HPCAL1: variants seen among roughly 807,000 people sequenced by gnomAD.
HPCAL1 encodes hippocalcin-like protein 1.
A neutral mutation model predicts 17.1 loss-of-function variants in HPCAL1; 8 were observed. The observed-to-expected ratio is 0.47, with a 90% CI of 0.27 to 0.84. The LOEUF is 0.84. Ranked by LOEUF, HPCAL1 falls within the 40% of genes least tolerant of loss-of-function variation. The pLI is 0.13. For synonymous variants in HPCAL1, 112 were observed against 111.4 expected, an observed-to-expected ratio of 1.01 and a Z score of -0.03; for missense variants, 165 against 271.1, an observed-to-expected ratio of 0.61 and a Z score of 2.75.
chr2:10,385,606 A>G (rs553570848), intron 1 of HPCAL1, among the ~76,000 whole-genome samples: 2 of 152,146 alleles, frequency 1.3e-5, no homozygotes, highest in African/African-American at 2.4e-5. Context: ...AGCTGTCTGC[A>G]TGGACGATGG....
At chr2:10,320,159 C>G (rs1191029546) in intron 1 of HPCAL1, among the ~76,000 whole-genome samples, 1 of 152,150 alleles carries the variant, frequency 6.6e-6, no homozygotes, top group African/African-American at 2.4e-5. Flanking sequence ...CTCCTGTGGC[C>G]TGGCTGTCTG....
chr2:10,392,261 G>A (rs1332170280), intron 1 of HPCAL1, among the ~76,000 whole-genome samples: 1 of 150,978 alleles, frequency 6.6e-6, no homozygotes, highest in Admixed American at 6.6e-5. Flanking sequence ...GGCTGGTCTC[G>A]CAGTGCTGGG....
At chr2:10,415,978 G>C (rs566429427) in intron 2 of HPCAL1, among the ~76,000 whole-genome samples, 2 of 152,310 alleles carry the variant, frequency 1.3e-5, no homozygotes, top group East Asian at 3.9e-4. Flanking sequence ...GAGCCACCAC[G>C]GGTGCTGCAG....
intron 1 of HPCAL1, among the ~76,000 whole-genome samples, chr2:10,346,307 T>TG (rs1263943604): frequency 6.6e-6 from 1 of 151,950 alleles, no homozygotes; most frequent in Admixed American, 6.5e-5. Context: ...GGGGATATGG[T>TG]GGGAGAAGCC....
At chr2:10,379,408 A>G (rs1168069223) in intron 1 of HPCAL1, among the ~76,000 whole-genome samples, 2 of 149,394 alleles carry the variant, frequency 1.3e-5, no homozygotes, top group Non-Finnish European at 3.0e-5. Context: ...GGGTGGATGG[A>G]TGTGGGAGTG....
intron 1 of HPCAL1, among the ~76,000 whole-genome samples, chr2:10,379,321 G>A (rs903538243): frequency 1.3e-5 from 2 of 151,714 alleles, no homozygotes; most frequent in South Asian, 4.2e-4. Flanking sequence ...GAGGATGAGC[G>A]AGGTGTTGCT....
At chr2:10,383,418 A>G (rs1668095415) in intron 1 of HPCAL1, among the ~76,000 whole-genome samples, 1 of 151,540 alleles carries the variant, frequency 6.6e-6, no homozygotes, top group Non-Finnish European at 1.5e-5. Flanking sequence ...GCTGGAGTGC[A>G]GTGGCACGAT....
rs1438952061 is a variant in HPCAL1, at chr2:10,323,806, A to G, written c.-111+20629A>G. Among the ~76,000 whole-genome samples, 1 of 152,220 alleles carries G rather than the reference A, an allele frequency of 6.6e-6. No individual in the cohort carries two copies. The highest frequency in any genetic ancestry group is 1.5e-5 in the Non-Finnish European group (1 of 68,040). On this transcript the variant is annotated intron_variant, in intron 1 of 4. Transcript: ENST00000307845. The surrounding 1 kb of genome is among the most constrained non-coding windows in gnomAD (Gnocchi z 4.6). ...GCACTGGGGAGACATTTAAAAAACA[A>G]TAACAACAACAACAAAAATCTGCGT...
chr2:10,322,760 A>G (rs1304634290), intron 1 of HPCAL1, among the ~76,000 whole-genome samples: 1 of 152,192 alleles, frequency 6.6e-6, no homozygotes, highest in Non-Finnish European at 1.5e-5. Context: ...CCTTGATGGC[A>G]TTCTTGAGCT....
rs1212211974 is a variant in HPCAL1 at position 10,420,129 on chromosome 2, C to T, written c.372C>T (p.Ile124=). ...GYISRSEMLE[I]VQAIYKMVSS... is the part of the protein sequence containing the mutation. ...TCAGCCGCAGCGAGATGCTGGAGAT[C>T]GTGCAGGTACCGGCGCCCGAGGCCC... Residue 124 remains isoleucine (I), a synonymous_variant, in exon 3 of 5, where the codon ATC becomes ATT. Coordinates refer to ENST00000307845, the MANE Select transcript of HPCAL1 (RefSeq NM_002149.4). 12 of 1,603,672 alleles carry T rather than the reference C, an allele frequency of 7.5e-6. No homozygotes were observed. Among genetic ancestry groups the T allele is most frequent in the Non-Finnish European group, 1.0e-5 (12 of 1,173,302 alleles).
intron 1 of HPCAL1, among the ~76,000 whole-genome samples, chr2:10,349,702 CAAAAAAAAAAAAAAAAAAA>C (rs55897775): frequency 2.7e-4 from 14 of 52,738 alleles, no homozygotes; most frequent in African/African-American, 4.9e-4. Flanking sequence ...GACTCTGTCT[CAAAAAAAAAAAAAAAAAAA>C]AAAAAAAAAA....
intron 2 of HPCAL1, among the ~76,000 whole-genome samples, chr2:10,399,241 T>TCACCACCACCAC (rs1558517511): frequency 8.3e-5 from 1 of 12,058 alleles, no homozygotes; most frequent in African/African-American, 2.4e-4. Context: ...ACCACCACCA[T>TCACCACCACCAC]CACCACCACC....
intron 1 of HPCAL1, among the ~76,000 whole-genome samples, chr2:10,334,519 A>G (rs987825718): frequency 4.0e-5 from 6 of 151,536 alleles, no homozygotes; most frequent in African/African-American, 1.5e-4. Flanking sequence ...TCTTTAAAAA[A>G]AAAGAAAAGA....
chr2:10,399,397 T>TCACCACCAC (rs1558518182), intron 2 of HPCAL1, among the ~76,000 whole-genome samples: 1 of 6,378 alleles, frequency 1.6e-4, no homozygotes. Context: ...ACCACCACCA[T>TCACCACCAC]CACCACCACC....
intron 1 of HPCAL1, among the ~76,000 whole-genome samples, chr2:10,366,246 A>AT (rs949009815): frequency 2.0e-4 from 30 of 151,802 alleles, no homozygotes; most frequent in Middle Eastern, 3.4e-3. Context: ...ATTATTATTA[A>AT]TTTTTTTTGA....
At chr2:10,424,461 T>G in intron 4 of HPCAL1, 3 of 468,146 alleles carry the variant, frequency 6.4e-6, no homozygotes, top group Non-Finnish European at 1.3e-5. Flanking sequence ...AGCGAGATGA[T>G]GCCTTAAAGC....
At chr2:10,314,348 TG>T (rs1330251757) in intron 1 of HPCAL1, among the ~76,000 whole-genome samples, 1 of 151,996 alleles carries the variant, frequency 6.6e-6, no homozygotes, top group Non-Finnish European at 1.5e-5. Context: ...GTGAGCTCTG[TG>T]GGTTGGTTTC....
At chr2:10,337,633 G>A (rs549877339) in intron 1 of HPCAL1, among the ~76,000 whole-genome samples, 1 of 152,308 alleles carries the variant, frequency 6.6e-6, no homozygotes, top group African/African-American at 2.4e-5. Flanking sequence ...TGAGAAATGT[G>A]CTCTGGGCTG....
At chr2:10,369,544 G>A (rs898798525) in intron 1 of HPCAL1, among the ~76,000 whole-genome samples, 10 of 152,230 alleles carry the variant, frequency 6.6e-5, no homozygotes, top group African/African-American at 2.4e-4. Context: ...GCTCAGGCCC[G>A]TTTGACAGCA....
Sources: allele counts gnomAD v4.1 joint callset (sites outside exome capture counted in the v4.1 genomes callset), GRCh38; gene constraint gnomAD v4.1.1; non-coding constraint Gnocchi (gnomAD v3.1); transcripts MANE v1.5; gene names NCBI Gene and HGNC (gene_info 2026-07-23, HGNC 2026-07-21).